The following CDH4 variants were observed in gnomAD, a reference collection of about 807,000 sequenced individuals.
CDH4 encodes the protein cadherin 4, also known as cadherin-4.
A neutral mutation model predicts 86.0 loss-of-function variants in CDH4; 33 were observed. The observed-to-expected ratio is 0.38, with a 90% CI of 0.29 to 0.51. The LOEUF is 0.51. Among genes scored for constraint, CDH4 ranks in the 20% least tolerant of loss-of-function variants. The probability of loss-of-function intolerance (pLI) is 0.86; values close to 1 mark genes in which losing one functional copy is unlikely to be tolerated. For missense variants in CDH4, 1,114 were observed against 1,307.4 expected, an observed-to-expected ratio of 0.85 and a Z score of 2.28; for synonymous variants, 555 against 549.4, an observed-to-expected ratio of 1.01 and a Z score of -0.14.
At chr20:61,629,061 T>C (rs773719042) in intron 2 of CDH4, among the ~76,000 whole-genome samples, 4 of 152,252 alleles carry the variant, frequency 2.6e-5, no homozygotes, top group African/African-American at 4.8e-5. Flanking sequence ...GCCTCTGATC[T>C]GCACAGGCAG....
chr20:61,816,965 G>A (rs558308906), intron 4 of CDH4, among the ~76,000 whole-genome samples: 1 of 152,194 alleles, frequency 6.6e-6, no homozygotes, highest in Non-Finnish European at 1.5e-5. Flanking sequence ...TGGGGTAAAA[G>A]GTGCCAGAGA....
intron 2 of CDH4, among the ~76,000 whole-genome samples, chr20:61,353,791 A>G (rs1404421253): frequency 8.7e-6 from 1 of 114,632 alleles, no homozygotes; most frequent in African/African-American, 3.3e-5. Context: ...GGGTGGGAAC[A>G]GCGCTTCATG....
intron 4 of CDH4, among the ~76,000 whole-genome samples, chr20:61,789,778 G>C (rs1323954237): frequency 6.6e-6 from 1 of 152,230 alleles, no homozygotes; most frequent in Non-Finnish European, 1.5e-5. Flanking sequence ...AGGTAGAACT[G>C]GTGGAGAAGG....
intron 2 of CDH4, among the ~76,000 whole-genome samples, chr20:61,565,913 T>C (rs1284348288): frequency 1.3e-5 from 2 of 152,186 alleles, no homozygotes. Flanking sequence ...CCACCCCCTC[T>C]GTCCTCATGG....
intron 4 of CDH4, among the ~76,000 whole-genome samples, chr20:61,793,455 A>G (rs1217483483): frequency 6.6e-6 from 1 of 152,208 alleles, no homozygotes; most frequent in Non-Finnish European, 1.5e-5. Flanking sequence ...TAGGGGGATA[A>G]TAAGAGACAT....
intron 2 of CDH4, among the ~76,000 whole-genome samples, chr20:61,407,145 A>T (rs1264773143): frequency 1.3e-5 from 2 of 152,248 alleles, no homozygotes; most frequent in Non-Finnish European, 2.9e-5. Flanking sequence ...GGTTGCTGTG[A>T]GGTCCCTGTG....
At chr20:61,376,651 C>T (rs2084874231) in intron 2 of CDH4, among the ~76,000 whole-genome samples, 1 of 152,174 alleles carries the variant, frequency 6.6e-6, no homozygotes, top group African/African-American at 2.4e-5. Context: ...CATTCTCCCC[C>T]ATGGCATATG....
At chr20:61,614,494 C>T (rs879298272) in intron 2 of CDH4, among the ~76,000 whole-genome samples, 8 of 152,034 alleles carry the variant, frequency 5.3e-5, no homozygotes, top group African/African-American at 1.9e-4. Context: ...TCCTGGGAAC[C>T]GTCAGTCAGA....
intron 4 of CDH4, among the ~76,000 whole-genome samples, chr20:61,800,764 CG>C (rs1297970998): frequency 6.6e-6 from 1 of 152,182 alleles, no homozygotes; most frequent in East Asian, 1.9e-4. Flanking sequence ...CCCAAGGGGC[CG>C]GGGCTGGGAG....
At chr20:61,783,205 G>C (rs7269072) in intron 4 of CDH4, among the ~76,000 whole-genome samples, 3 of 152,306 alleles carry the variant, frequency 2.0e-5, no homozygotes, top group African/African-American at 7.2e-5. Flanking sequence ...AATACAAGGC[G>C]TCAATGATTC....
At chr20:61,416,257 C>A (rs2085146632) in intron 2 of CDH4, among the ~76,000 whole-genome samples, 1 of 152,190 alleles carries the variant, frequency 6.6e-6, no homozygotes, top group African/African-American at 2.4e-5. Context: ...ACCTCGGCCT[C>A]CCAAAGTGCT....
At chr20:61,363,708 T>A (rs1272069593) in intron 2 of CDH4, among the ~76,000 whole-genome samples, 1 of 152,238 alleles carries the variant, frequency 6.6e-6, no homozygotes, top group South Asian at 2.1e-4. Flanking sequence ...GAGGAGAGAA[T>A]CAACGTGGCC....
intron 2 of CDH4, among the ~76,000 whole-genome samples, chr20:61,665,273 C>T (rs928933382): frequency 2.6e-5 from 4 of 152,252 alleles, no homozygotes; most frequent in Admixed American, 6.5e-5. Context: ...GAAGCTGCCA[C>T]CAGGGCTCCC....
chr20:61,343,064 G>A (rs67496935), intron 2 of CDH4, among the ~76,000 whole-genome samples: 20,552 of 152,198 alleles, frequency 0.14, 1,736 homozygotes, highest in East Asian at 0.32. Flanking sequence ...TGGTTATGAA[G>A]GGACACACTG....
In CDH4 at chr20:61,598,595, T is replaced by G. The variant is rs949607498; in HGVS notation, c.170-144968T>G. On this transcript the variant is annotated intron_variant, in intron 2 of 15. Transcript: ENST00000614565. ...GGTGTGGAGATACCCCTTTCCAGAA[T>G]CGCGTGTGGGGAGGATGTGCAGAGG... Among the ~76,000 whole-genome samples, 5 of 152,144 alleles carry G rather than the reference T, an allele frequency of 3.3e-5. No homozygotes were observed. The Middle Eastern group carries it at 0.01, about 310-fold the overall frequency.
chr20:61,565,288 G>GGTGGTGGTGGTGCTC (rs2086277728), intron 2 of CDH4, among the ~76,000 whole-genome samples: 4 of 94,830 alleles, frequency 4.2e-5, no homozygotes, highest in Admixed American at 1.2e-4. Context: ...GTGATGGGGT[G>GGTGGTGGTGGTGCTC]ATGGTGGTGG....
intron 2 of CDH4, among the ~76,000 whole-genome samples, chr20:61,566,202 G>A (rs951782820): frequency 1.3e-5 from 2 of 152,222 alleles, no homozygotes; most frequent in African/African-American, 4.8e-5. Context: ...GGCCCATGTG[G>A]CTGACTCCTC....
chr20:61,852,867 C>T lies in CDH4; in HGVS notation c.846C>T (p.Tyr282=), dbSNP rs979310418. 2 of 1,613,896 alleles carry T rather than the reference C, an allele frequency of 1.2e-6. No homozygotes were observed. The highest frequency in any genetic ancestry group is 2.7e-5 in the African/African-American group (2 of 74,956). The change falls in exon 6 of 16, where the codon TAC becomes TAT. Residue 282 remains tyrosine (Y), a synonymous_variant. Coordinates refer to ENST00000614565, the MANE Select transcript of CDH4 (RefSeq NM_001794.5). ...DNRPEFINQV[Y]NGSVDEGSKP... ...GCCCTGAGTTCATCAACCAGGTCTA[C>T]AACGGCTCCGTGGACGAGGGCTCCA...
intron 3 of CDH4, among the ~76,000 whole-genome samples, chr20:61,751,776 G>T (rs903793576): frequency 6.6e-6 from 1 of 152,200 alleles, no homozygotes; most frequent in Admixed American, 6.5e-5. Flanking sequence ...GGGAAAGTTT[G>T]CCCATTTCTA....
Sources: gnomAD v4.1 joint callset for allele counts (sites outside exome capture counted in the v4.1 genomes callset) on GRCh38, gnomAD v4.1.1 for gene constraint, MANE v1.5 for transcripts, NCBI Gene and HGNC (gene_info 2026-07-23, HGNC 2026-07-21) for gene names.